OLA1: variants seen among roughly 807,000 people sequenced by gnomAD.
The protein encoded by OLA1 is obg-like ATPase 1.
OLA1 carries 14 observed loss-of-function variants against 48.4 expected under a neutral mutation model. The ratio of observed to expected loss-of-function variants is 0.29; its 90% confidence interval spans 0.19 to 0.45. The LOEUF is 0.45. OLA1 is among the 20% of genes least tolerant of loss of function. OLA1 has a pLI of 1.00. For missense variants in OLA1, 325 were observed against 467.1 expected (o/e 0.70, Z 2.80); for synonymous variants, 127 against 150.4 (o/e 0.84, Z 1.14).
At chr2:174,102,781 G>C (rs1365147386) in intron 7 of OLA1, among the ~76,000 whole-genome samples, 2 of 152,168 alleles carry the variant, frequency 1.3e-5, no homozygotes. Context: ...GGTATCATTT[G>C]TCTACAGTGG....
At chr2:174,132,561 T>C (rs180995238) in intron 5 of OLA1, among the ~76,000 whole-genome samples, 2 of 152,174 alleles carry the variant, frequency 1.3e-5, no homozygotes, top group African/African-American at 4.8e-5. Flanking sequence ...TATCATAAAC[T>C]ATTTTCTTTC....
At chr2:174,237,840 T>C (rs1688894510) in intron 2 of OLA1, among the ~76,000 whole-genome samples, 1 of 152,250 alleles carries the variant, frequency 6.6e-6, no homozygotes, top group Non-Finnish European at 1.5e-5. Flanking sequence ...CTGTACATAA[T>C]TGTATATGCT....
At chr2:174,236,259 T>C (rs1688846482) in intron 2 of OLA1, among the ~76,000 whole-genome samples, 1 of 152,014 alleles carries the variant, frequency 6.6e-6, no homozygotes, top group Non-Finnish European at 1.5e-5. Flanking sequence ...GACCTTAAAA[T>C]AAATGTTACA....
intron 4 of OLA1, among the ~76,000 whole-genome samples, chr2:174,147,043 A>G (rs1686617882): frequency 6.6e-6 from 1 of 152,166 alleles, no homozygotes; most frequent in Non-Finnish European, 1.5e-5. Flanking sequence ...AACTGACACC[A>G]CACATACCAT....
At chr2:174,123,726 GA>G in intron 5 of OLA1, 51 bp from the exon 6 acceptor site, 1 of 930,482 alleles carries the variant, frequency 1.1e-6, no homozygotes, top group Non-Finnish European at 1.6e-6. Context: ...TAAACATTTA[GA>G]TACTAAATAT....
chr2:174,104,523 C>T (rs939181032), intron 7 of OLA1, among the ~76,000 whole-genome samples: 37 of 152,118 alleles, frequency 2.4e-4, no homozygotes, highest in African/African-American at 8.7e-4. Context: ...GCTTGACAAA[C>T]GATAAGCTAT....
In OLA1 at chr2:174,229,395, G is replaced by A. The variant is rs1441356657; in HGVS notation, c.158C>T (p.Pro53Leu). The A allele has an allele frequency of 1.2e-6, 2 of 1,613,012 alleles. No individual in the cohort carries two copies. The highest frequency in any genetic ancestry group is 1.3e-5 in the African/African-American group (1 of 75,010). ...CTCATTAGGATCAATAGTGCAGAAC[G>A]GGAAGTTTTCTGCTGAAGCCTGACT... ...TNSQASAENF[P>L]FCTIDPNESR... The change falls in exon 3 of 11, where the codon CCG becomes CTG. Residue 53 changes from proline (P) to leucine (L), a missense_variant. Physicochemically the swap from Pro to Leu is moderately conservative, Grantham distance 98. Transcript: ENST00000284719.
intron 5 of OLA1, among the ~76,000 whole-genome samples, chr2:174,137,452 G>T (rs1012894321): frequency 2.0e-5 from 3 of 152,182 alleles, no homozygotes; most frequent in African/African-American, 7.2e-5. Flanking sequence ...GTCACCAACC[G>T]CATTAGCCCT....
chr2:174,101,249 T>C (rs1227549460), intron 7 of OLA1, among the ~76,000 whole-genome samples: 1 of 152,246 alleles, frequency 6.6e-6, no homozygotes, highest in Non-Finnish European at 1.5e-5. Context: ...GGTTATAATC[T>C]GCCTTTCCAT....
At chr2:174,247,637 C>A in intron 1 of OLA1, 2 of 1,550,620 alleles carry the variant, frequency 1.3e-6, no homozygotes, top group Non-Finnish European at 1.7e-6. Context: ...CATTCGCCCA[C>A]AACCCCCATT....
At chr2:174,121,093 T>C (rs1343723152) in intron 7 of OLA1, among the ~76,000 whole-genome samples, 1 of 152,224 alleles carries the variant, frequency 6.6e-6, no homozygotes. Context: ...TTTAACTATT[T>C]ACATCTGCTT....
rs550583464 is a variant in OLA1 at position 174,164,666 on chromosome 2, C to A, written c.374-22666G>T. ...AGGTATTTTCTCCCCTCTCCAAATT[C>A]ACAGAATTATCAATAACAATTTCAA... is the stretch of plus-strand genomic sequence containing the variant. On this transcript the variant is annotated intron_variant, in intron 4 of 10. Coordinates refer to ENST00000284719, the MANE Select transcript of OLA1 (RefSeq NM_013341.5). Among the ~76,000 whole-genome samples the A allele has an allele frequency of 1.3e-3, 195 of 152,218 alleles. 2 individuals carry two copies. Among genetic ancestry groups the A allele is most frequent in the African/African-American group, 4.5e-3 (188 of 41,530 alleles).
chr2:174,246,847 C>T (rs774467491), intron 1 of OLA1, 32 bp from the exon 2 acceptor site: 1 of 1,352,362 alleles, frequency 7.4e-7, no homozygotes, highest in South Asian at 1.2e-5. Context: ...ATGAACAAAA[C>T]TTTTTACTAT....
chr2:174,096,884 G>C (rs1685268010), intron 7 of OLA1, among the ~76,000 whole-genome samples: 1 of 152,182 alleles, frequency 6.6e-6, no homozygotes, highest in Non-Finnish European at 1.5e-5. Flanking sequence ...TTGGTTGGGA[G>C]TGGTGGCTCA....
At chr2:174,088,618 G>A (rs909989537) in intron 7 of OLA1, among the ~76,000 whole-genome samples, 1 of 152,048 alleles carries the variant, frequency 6.6e-6, no homozygotes, top group East Asian at 1.9e-4. Flanking sequence ...CTGAATGGAG[G>A]TTATTAAGGA....
At chr2:174,146,058 GGT>G (rs1214906487) in intron 4 of OLA1, among the ~76,000 whole-genome samples, 1 of 152,082 alleles carries the variant, frequency 6.6e-6, no homozygotes, top group Non-Finnish European at 1.5e-5. Context: ...GAGGGAAGAG[GGT>G]TCTTCTAAGT....
chr2:174,187,720 C>G (rs1002217716), intron 4 of OLA1, among the ~76,000 whole-genome samples: 1 of 152,116 alleles, frequency 6.6e-6, no homozygotes, highest in Non-Finnish European at 1.5e-5. Flanking sequence ...CTTAGATCAA[C>G]GAAGAGTAAA....
chr2:174,192,091 C>A (rs1278395949), intron 4 of OLA1, among the ~76,000 whole-genome samples: 1 of 151,868 alleles, frequency 6.6e-6, no homozygotes, highest in Non-Finnish European at 1.5e-5. Flanking sequence ...TTTATAATTC[C>A]ATTTTGTCTC....
chr2:174,222,594 C>T (rs1234358323), intron 4 of OLA1, among the ~76,000 whole-genome samples: 1 of 152,128 alleles, frequency 6.6e-6, no homozygotes, highest in Non-Finnish European at 1.5e-5. Context: ...TATAGTTTCT[C>T]TTTAATCCTT....
Sources: allele counts gnomAD v4.1 joint callset (sites outside exome capture counted in the v4.1 genomes callset), GRCh38; gene constraint gnomAD v4.1.1; transcripts MANE v1.5; gene names NCBI Gene and HGNC (gene_info 2026-07-23, HGNC 2026-07-21).